Variants in TMEM181 observed in about 807,000 individuals in gnomAD.
TMEM181 encodes G protein-coupled receptor 178.
A neutral mutation model predicts 71.9 loss-of-function variants in TMEM181; 39 were observed. The observed-to-expected ratio is 0.54, with a 90% confidence interval of 0.42 to 0.71. TMEM181 has a LOEUF of 0.71. Ranked by LOEUF, TMEM181 falls within the 30% of genes least tolerant of loss-of-function variation. The pLI, the probability that TMEM181 is intolerant of heterozygous loss-of-function variation, is 0.00. For synonymous variants in TMEM181, 245 were observed against 228.8 expected (o/e 1.07, Z -0.64); for missense variants, 595 against 583.0 (o/e 1.02, Z -0.21).
chr6:158,616,451 T>G (rs1053421231), intron 10 of TMEM181, among the ~76,000 whole-genome samples: 1 of 152,102 alleles, frequency 6.6e-6, no homozygotes, highest in African/African-American at 2.4e-5. Context: ...TTGACTTCCT[T>G]TTTTCCTAAT....
In TMEM181 at chr6:158,632,209, T is replaced by TC. The variant is rs1401186567; in HGVS notation, c.*323dup. ...GTACAGTGAATTATGTACTTTTTTT[T>TC]CCTGTAATCATTCACTGATTCCAAG... On this transcript the variant is annotated 3_prime_UTR_variant, in exon 17 of 17. Transcript: ENST00000684151. 3.4e-6 allele frequency: 1 copy of TC among 296,676 alleles called. No homozygotes were observed. The highest frequency in any genetic ancestry group is 6.5e-6 in the Non-Finnish European group (1 of 153,974). The allele number at this position is 296,676 out of a possible 1,614,324, so 18.4% of individuals were successfully genotyped here.
At chr6:158,615,886 A>C (rs1032087534) in intron 10 of TMEM181, among the ~76,000 whole-genome samples, 4 of 152,184 alleles carry the variant, frequency 2.6e-5, no homozygotes, top group Non-Finnish European at 4.4e-5. Flanking sequence ...TGGTTACTGT[A>C]GCCTTGTAGT....
chr6:158,544,717 C>G (rs1264337617), intron 1 of TMEM181, among the ~76,000 whole-genome samples: 1 of 152,132 alleles, frequency 6.6e-6, no homozygotes, highest in African/African-American at 2.4e-5. Flanking sequence ...TCACCCCCTC[C>G]CCTGCTCAAT....
chr6:158,576,919 A>G (rs1306093259), intron 2 of TMEM181, among the ~76,000 whole-genome samples: 1 of 152,012 alleles, frequency 6.6e-6, no homozygotes. Context: ...AAAATTAGCC[A>G]GGCATGGTGG....
upstream of TMEM181, among the ~76,000 whole-genome samples, chr6:158,555,654 G>A (rs192952240): frequency 1.5e-4 from 23 of 152,318 alleles, no homozygotes; most frequent in Middle Eastern, 3.4e-3. Context: ...AAAAATGTGC[G>A]TGAAAAGAAG....
intron 14 of TMEM181, among the ~76,000 whole-genome samples, chr6:158,628,974 G>T (rs1408857694): frequency 1.3e-5 from 2 of 152,206 alleles, no homozygotes; most frequent in South Asian, 2.1e-4. Context: ...GTATCCAAGG[G>T]TATGACAGTT....
At chr6:158,610,266 C>T (rs1032481171) in intron 10 of TMEM181, 2 of 275,102 alleles carry the variant, frequency 7.3e-6, no homozygotes, top group South Asian at 1.2e-4. Flanking sequence ...TTTCCTGACT[C>T]TTATTGTAGT....
At chr6:158,625,552 C>T (rs1205986999) in intron 12 of TMEM181, 151 bp from the exon 13 acceptor site, 8 of 692,442 alleles carry the variant, frequency 1.2e-5, no homozygotes, top group South Asian at 1.9e-5. Flanking sequence ...AAGGGACCAA[C>T]GTTCTCCTAG....
At chr6:158,629,612 C>T in intron 14 of TMEM181, 118 bp from the exon 15 acceptor site, 1 of 785,026 alleles carries the variant, frequency 1.3e-6, no homozygotes, top group South Asian at 1.7e-5. Flanking sequence ...GACCCCCGGG[C>T]ACTGGCGGGT....
chr6:158,616,413 A>G (rs1275095093), intron 10 of TMEM181, among the ~76,000 whole-genome samples: 1 of 152,324 alleles, frequency 6.6e-6, no homozygotes, highest in East Asian at 1.9e-4. Context: ...CTAGATATAC[A>G]ATCATGTCAT....
intron 10 of TMEM181, among the ~76,000 whole-genome samples, chr6:158,617,900 A>G (rs566158417): frequency 6.9e-4 from 105 of 152,186 alleles, no homozygotes; most frequent in Non-Finnish European, 1.1e-3. Context: ...ACTTCCAACT[A>G]TGTGGTCAAT....
chr6:158,605,492 CTG>C (rs1243872734), intron 7 of TMEM181, 145 bp downstream of exon 7: 1 of 747,994 alleles, frequency 1.3e-6, no homozygotes, highest in African/African-American at 1.7e-5. Context: ...TATTACAACT[CTG>C]TGTGTCTGCC....
Position 158,577,933 on chromosome 6 carries a change from A to G in TMEM181, c.113-3007A>G, listed in dbSNP as rs1783252947. On this transcript the variant is annotated intron_variant, in intron 2 of 16. Coordinates refer to ENST00000684151, the MANE Select transcript of TMEM181 (RefSeq NM_001376852.1). ...TGGAGAAACCCCATTTCTACTAAAA[A>G]TACAAAATTAGCCAGGCGTGGTGGC... 3.3e-5 allele frequency among the ~76,000 whole-genome samples: 5 copies of G among 152,122 alleles called. No individual in the cohort carries two copies. The South Asian group carries it at 1.0e-3, about 32-fold the overall frequency.
At chr6:158,569,170 G>A (rs1219782830) in intron 1 of TMEM181, among the ~76,000 whole-genome samples, 1 of 152,188 alleles carries the variant, frequency 6.6e-6, no homozygotes, top group Non-Finnish European at 1.5e-5. Flanking sequence ...AGTCGAGAGC[G>A]GAAAGAGTCG....
intron 1 of TMEM181, among the ~76,000 whole-genome samples, chr6:158,565,306 G>C (rs1175079732): frequency 1.3e-5 from 2 of 152,344 alleles, no homozygotes; most frequent in African/African-American, 4.8e-5. Context: ...TATGTGGGAG[G>C]GGTAGGCACT....
chr6:158,543,092 G>C (rs566079752), intron 1 of TMEM181, among the ~76,000 whole-genome samples: 1 of 151,904 alleles, frequency 6.6e-6, no homozygotes, highest in Non-Finnish European at 1.5e-5. Flanking sequence ...AGCCAGGATA[G>C]TTTCGATCTC....
chr6:158,618,997 T>C (rs1347791674), intron 10 of TMEM181, among the ~76,000 whole-genome samples: 1 of 152,216 alleles, frequency 6.6e-6, no homozygotes, highest in Non-Finnish European at 1.5e-5. Context: ...GGAGTATCTT[T>C]GTGGCGTTCT....
chr6:158,541,432 C>CA (rs1053278874), intron 1 of TMEM181, among the ~76,000 whole-genome samples: 1 of 49,228 alleles, frequency 2.0e-5, no homozygotes, highest in Non-Finnish European at 4.0e-5. Context: ...AACAAAAAAA[C>CA]AAAAAACAAA....
In TMEM181 at chr6:158,628,483, C is replaced by T. The variant is rs371977391; in HGVS notation, c.1185C>T (p.Tyr395=). The T allele has an allele frequency of 3.7e-6, 6 of 1,613,922 alleles. No homozygotes were observed. The highest frequency in any genetic ancestry group is 1.3e-5 in the African/African-American group (1 of 74,936). ...DNFVAELSTH[Y]QNSAEFLSFY... ...TTGTAGCAGAGCTGTCAACTCACTA[C>T]CAGAATTATATCCTTTTCACTGGAG... Residue 395 remains tyrosine (Y), a synonymous_variant, in exon 14 of 17, where the codon TAC becomes TAT. Transcript: ENST00000684151.
Sources: allele counts gnomAD v4.1 joint callset (sites outside exome capture counted in the v4.1 genomes callset), GRCh38; gene constraint gnomAD v4.1.1; transcripts MANE v1.5; gene names NCBI Gene and HGNC (gene_info 2026-07-23, HGNC 2026-07-21).